ACER2: variants seen among roughly 807,000 people sequenced by gnomAD.
ACER2 encodes alkaline ceramidase 2.
ACER2 carries 26 observed loss-of-function variants against 34.7 expected under a neutral mutation model. That is an observed-to-expected ratio of 0.75 (90% CI 0.55 to 1.04). ACER2 has a LOEUF of 1.04. Among genes scored for constraint, ACER2 ranks in the 50% least tolerant of loss-of-function variants. ACER2 has a pLI of 0.00. For missense variants in ACER2, 352 were observed against 340.8 expected (o/e 1.03, Z -0.26); for synonymous variants, 138 against 132.1 (o/e 1.04, Z -0.31).
At chr9:19,418,790 C>T (rs1830316632) in intron 1 of ACER2, among the ~76,000 whole-genome samples, 1 of 152,074 alleles carries the variant, frequency 6.6e-6, no homozygotes, top group Admixed American at 6.6e-5. Flanking sequence ...ACGTGTATAG[C>T]TATGTAACAA....
chr9:19,422,312 A>G (rs899182297), intron 1 of ACER2, among the ~76,000 whole-genome samples: 3 of 151,904 alleles, frequency 2.0e-5, no homozygotes, highest in African/African-American at 7.3e-5. Flanking sequence ...GAAAAAAAAA[A>G]AGTAAACTAT....
At chr9:19,436,423 C>T (rs1490437223) in intron 4 of ACER2, among the ~76,000 whole-genome samples, 3 of 152,094 alleles carry the variant, frequency 2.0e-5, no homozygotes, top group African/African-American at 7.2e-5. Context: ...TAGTACTTGG[C>T]TCATAGTTTT....
chr9:19,416,053 T>C (rs1473695462), intron 1 of ACER2, among the ~76,000 whole-genome samples: 1 of 133,844 alleles, frequency 7.5e-6, no homozygotes, highest in Non-Finnish European at 1.6e-5. Flanking sequence ...GAAAGGAAAC[T>C]TTATTCCTTT....
Position 19,409,073 on chromosome 9 carries a change from C to G in ACER2, c.-12C>G, listed in dbSNP as rs751129108. ...GCTGCGCGAGCAGCTGCTCCAATGC[C>G]CCGGAGTGGCCATGGGCGCCCCGCA... On this transcript the variant is annotated 5_prime_UTR_variant, in exon 1 of 6. Transcript: ENST00000340967. 1.9e-6 allele frequency: 3 copies of G among 1,569,548 alleles called. No homozygotes were observed. Among genetic ancestry groups the G allele is most frequent in the Non-Finnish European group, 2.6e-6 (3 of 1,158,022 alleles).
chr9:19,428,280 G>T (rs976973014), intron 3 of ACER2, among the ~76,000 whole-genome samples: 6 of 151,806 alleles, frequency 4.0e-5, no homozygotes, highest in Admixed American at 3.9e-4. Context: ...TGATTCTCCT[G>T]CCTCAGCCTC....
intron 2 of ACER2, chr9:19,424,320 C>T: frequency 2.1e-6 from 2 of 948,180 alleles, no homozygotes; most frequent in Non-Finnish European, 2.5e-6. Context: ...GATGTTTGAT[C>T]CCTCATTGTT....
chr9:19,427,310 A>C (rs1035778700), intron 3 of ACER2, among the ~76,000 whole-genome samples: 3 of 152,230 alleles, frequency 2.0e-5, no homozygotes, highest in African/African-American at 7.2e-5. Context: ...GATGGAGATA[A>C]TGTACATTGA....
chr9:19,425,091 G>A (rs1037101134), intron 3 of ACER2, among the ~76,000 whole-genome samples: 1 of 152,194 alleles, frequency 6.6e-6, no homozygotes, highest in Non-Finnish European at 1.5e-5. Context: ...TCTGTACCCA[G>A]TGGTTTAAGA....
At chr9:19,419,356 C>G (rs921927814) in intron 1 of ACER2, among the ~76,000 whole-genome samples, 1 of 152,122 alleles carries the variant, frequency 6.6e-6, no homozygotes, top group Non-Finnish European at 1.5e-5. Context: ...ATTTCTCAGA[C>G]TGGTGACTGT....
intron 3 of ACER2, among the ~76,000 whole-genome samples, chr9:19,432,727 C>A (rs1830797245): frequency 6.8e-6 from 1 of 147,124 alleles, no homozygotes; most frequent in Admixed American, 6.8e-5. Context: ...AATATATATT[C>A]TTTACACATA....
chr9:19,423,193 T>C (rs1486684178), intron 1 of ACER2, among the ~76,000 whole-genome samples: 1 of 152,098 alleles, frequency 6.6e-6, no homozygotes, highest in Non-Finnish European at 1.5e-5. Context: ...TAAGTGCAAG[T>C]AAATTAGAAT....
chr9:19,436,109 C>CG (rs1554654227), intron 4 of ACER2, among the ~76,000 whole-genome samples: 3 of 147,406 alleles, frequency 2.0e-5, no homozygotes, highest in African/African-American at 7.6e-5. Flanking sequence ...TTAATAGAGA[C>CG]AAAGTCCCAC....
intron 1 of ACER2, among the ~76,000 whole-genome samples, chr9:19,412,889 A>G (rs974908227): frequency 1.3e-5 from 2 of 152,164 alleles, no homozygotes; most frequent in African/African-American, 2.4e-5. Context: ...TTATTGATGG[A>G]CATTTCATAT....
At chr9:19,435,250 G>A (rs1291822119) in intron 4 of ACER2, among the ~76,000 whole-genome samples, 166 bp downstream of exon 4, 1 of 152,180 alleles carries the variant, frequency 6.6e-6, no homozygotes, top group Non-Finnish European at 1.5e-5. Context: ...CAAAATACTG[G>A]TAATCTCATT....
At chr9:19,423,650 A>G (rs562208246) in intron 1 of ACER2, among the ~76,000 whole-genome samples, 1 of 152,338 alleles carries the variant, frequency 6.6e-6, no homozygotes, top group South Asian at 2.1e-4. Context: ...GCAGTGAGCC[A>G]AGATCGTACC....
At chr9:19,433,312 C>T (rs548837983) in intron 3 of ACER2, among the ~76,000 whole-genome samples, 2 of 151,910 alleles carry the variant, frequency 1.3e-5, no homozygotes, top group Non-Finnish European at 2.9e-5. Flanking sequence ...CCTTCCGCAG[C>T]GTTTGGGTCC....
In ACER2 at chr9:19,446,374, C is replaced by G; in HGVS notation, c.597C>G (p.Cys199Trp). 2 of 1,614,148 alleles carry G rather than the reference C, an allele frequency of 1.2e-6. No individual in the cohort carries two copies. Among genetic ancestry groups the G allele is most frequent in the Non-Finnish European group, 1.7e-6 (2 of 1,180,026 alleles). ...GCTGGATCAGTGACCGAGCTTTCTG[C>G]GAGCTGCTGTCATCCTTCAACTTCC... ...LFCWISDRAF[C>W]ELLSSFNFPY... The change falls in exon 5 of 6, where the codon TGC becomes TGG. Residue 199 changes from cysteine (C) to tryptophan (W), a missense_variant. By Grantham distance (215) the Cys-to-Trp change is radical. Transcript: ENST00000340967.
At chr9:19,438,849 G>A (rs1831054541) in intron 4 of ACER2, among the ~76,000 whole-genome samples, 1 of 152,128 alleles carries the variant, frequency 6.6e-6, no homozygotes, top group Non-Finnish European at 1.5e-5. Context: ...GCAGTAGCAT[G>A]ATCATAGCTC....
chr9:19,417,479 A>G (rs1330078007), intron 1 of ACER2, among the ~76,000 whole-genome samples: 1 of 152,242 alleles, frequency 6.6e-6, no homozygotes, highest in East Asian at 1.9e-4. Flanking sequence ...CTACAAGGCT[A>G]TGGTAACCAA....
Sources: gnomAD v4.1 joint callset for allele counts (sites outside exome capture counted in the v4.1 genomes callset) on GRCh38, gnomAD v4.1.1 for gene constraint, MANE v1.5 for transcripts, NCBI Gene and HGNC (gene_info 2026-07-23, HGNC 2026-07-21) for gene names.